The following GLRA1 variants were observed in gnomAD, a reference collection of about 807,000 sequenced individuals.
GLRA1 encodes the protein glycine receptor subunit alpha-1.
In GLRA1, 37 loss-of-function variants were observed where a neutral mutation model predicts 48.3. The ratio of observed to expected loss-of-function variants is 0.77; its 90% CI spans 0.59 to 1.01. The LOEUF (loss-of-function observed/expected upper bound fraction) is 1.01. Ranked by LOEUF, GLRA1 falls within the 50% of genes least tolerant of loss-of-function variation. The probability of loss-of-function intolerance (pLI) is 0.00; values close to 1 mark genes in which losing one functional copy is unlikely to be tolerated. For synonymous variants in GLRA1, 196 were observed against 210.7 expected, an observed-to-expected ratio of 0.93 and a Z score of 0.60; for missense variants, 427 against 571.0, an observed-to-expected ratio of 0.75 and a Z score of 2.57.
intron 6 of GLRA1, among the ~76,000 whole-genome samples, chr5:151,854,420 G>A (rs1459826465): frequency 6.6e-6 from 1 of 152,192 alleles, no homozygotes; most frequent in African/African-American, 2.4e-5. Flanking sequence ...CCTTCCAGCT[G>A]TTATACCAAT....
intron 1 of GLRA1, among the ~76,000 whole-genome samples, chr5:151,922,691 G>A (rs1754907578): frequency 6.6e-6 from 1 of 152,212 alleles, no homozygotes; most frequent in Admixed American, 6.5e-5. Flanking sequence ...TTAACACAGT[G>A]GATTCATAAC....
intron 3 of GLRA1, among the ~76,000 whole-genome samples, chr5:151,864,135 G>A (rs1408484424): frequency 8.2e-6 from 1 of 122,154 alleles, no homozygotes; most frequent in Admixed American, 7.9e-5. Flanking sequence ...TGCGTGAAGT[G>A]TGCATGTGTG....
rs149027082 is a variant in GLRA1 at position 151,920,474 on chromosome 5, A to G, written c.56+4020T>C. Reference sequence around the variant, plus strand: ...AATATCCTCTGCTTAAGTCATTACCAGTTTGGCAAATATGCAGAAGTCATG... The same window carrying G: ...AATATCCTCTGCTTAAGTCATTACCGGTTTGGCAAATATGCAGAAGTCATG... On this transcript the variant is annotated intron_variant, in intron 1 of 8. Transcript: ENST00000274576. Among the ~76,000 whole-genome samples the G allele has an allele frequency of 3.3e-4, 51 of 152,302 alleles. No individual in the cohort carries two copies. The East Asian group carries it at 9.5e-3, about 28-fold the overall frequency.
At position 151,834,967 on chromosome 5, in the gene GLRA1, G is replaced by GCAGTGAGCCAAGATTGCGCCACTGCACT. The variant is rs1385353933; in HGVS notation, c.913-5928_913-5901dup. 6.3e-5 allele frequency among the ~76,000 whole-genome samples: 9 copies of GCAGTGAGCCAAGATTGCGCCACTGCACT among 143,188 alleles called. No homozygotes were observed. The East Asian group carries it at 1.9e-3, about 30-fold the overall frequency. 93.9% of individuals were successfully genotyped at this position (143,188 alleles called of 152,430 possible). A position where few individuals can be genotyped will look rare whatever the true frequency, so the allele number is the denominator to read the frequency against. On this transcript the variant is annotated intron_variant, in intron 7 of 8. Coordinates refer to ENST00000274576, the MANE Select transcript of GLRA1 (RefSeq NM_000171.4). ...AGCGTGAACCCGAGAAGTGGAGCTTGCAGTGAGCCAAGATTGCGCCACTGC... is the reference window on the plus strand; with the variant it reads ...AGCGTGAACCCGAGAAGTGGAGCTTGCAGTGAGCCAAGATTGCGCCACTGCACTCAGTGAGCCAAGATTGCGCCACTGC...
intron 3 of GLRA1, among the ~76,000 whole-genome samples, chr5:151,861,478 T>A (rs966092367): frequency 6.6e-5 from 10 of 152,226 alleles, no homozygotes; most frequent in African/African-American, 2.4e-4. Flanking sequence ...TGATGGCCAG[T>A]GATGATGAGC....
chr5:151,832,082 A>C (rs998175501), intron 7 of GLRA1, among the ~76,000 whole-genome samples: 1 of 152,236 alleles, frequency 6.6e-6, no homozygotes, highest in Non-Finnish European at 1.5e-5. Context: ...GAAAACTAAC[A>C]AACAGAAAGG....
At chr5:151,854,933 C>T (rs1752996624) in intron 6 of GLRA1, 107 bp downstream of exon 6, 1 of 1,238,678 alleles carries the variant, frequency 8.1e-7, no homozygotes, top group Non-Finnish European at 1.2e-6. Flanking sequence ...CTCTTAACCA[C>T]TAGGTAATCT....
intron 7 of GLRA1, among the ~76,000 whole-genome samples, chr5:151,842,443 G>A (rs978871111): frequency 2.0e-5 from 3 of 151,576 alleles, no homozygotes; most frequent in Admixed American, 2.0e-4. Flanking sequence ...TCCCAGGAAT[G>A]CAATGTTAGT....
chr5:151,911,402 A>G (rs1476563005), intron 1 of GLRA1, among the ~76,000 whole-genome samples: 1 of 152,156 alleles, frequency 6.6e-6, no homozygotes, highest in Non-Finnish European at 1.5e-5. Context: ...GTTGCTTGCC[A>G]TATGCAATGC....
intron 3 of GLRA1, among the ~76,000 whole-genome samples, chr5:151,863,034 C>G (rs181358321): frequency 2.6e-5 from 4 of 152,186 alleles, no homozygotes; most frequent in Admixed American, 1.3e-4. Context: ...CTATTCACAA[C>G]GTGAGGAGCT....
intron 4 of GLRA1, among the ~76,000 whole-genome samples, chr5:151,857,844 T>G (rs1753088517): frequency 6.6e-6 from 1 of 152,200 alleles, no homozygotes; most frequent in South Asian, 2.1e-4. Context: ...AGAAAGGCTT[T>G]CAGAGCCCAA....
chr5:151,896,307 TCACACAG>T (rs1419366497), intron 1 of GLRA1, among the ~76,000 whole-genome samples: 2 of 152,194 alleles, frequency 1.3e-5, no homozygotes, highest in Non-Finnish European at 2.9e-5. Flanking sequence ...TGGCTCCAAG[TCACACAG>T]CACTTTAAAG....
At chr5:151,844,683 G>GA (rs1289638129) in intron 7 of GLRA1, among the ~76,000 whole-genome samples, 1 of 125,848 alleles carries the variant, frequency 7.9e-6, no homozygotes, top group African/African-American at 2.9e-5. Flanking sequence ...AGCAACAAAA[G>GA]AAAAAACAGA....
Position 151,903,768 on chromosome 5 carries a change from C to T in GLRA1, c.57-11330G>A, listed in dbSNP as rs188600402. Among the ~76,000 whole-genome samples the T allele has an allele frequency of 3.9e-5, 6 of 152,314 alleles. No individual in the cohort carries two copies. The East Asian group carries it at 1.2e-3, about 29-fold the overall frequency. ...CCAAATGCTTTCTAGGTGCCATCCACAGTTAAGAACTGTTCCATACAGGCT... is the reference window on the plus strand; with the variant it reads ...CCAAATGCTTTCTAGGTGCCATCCATAGTTAAGAACTGTTCCATACAGGCT... On this transcript the variant is annotated intron_variant, in intron 1 of 8. Coordinates refer to ENST00000274576, the MANE Select transcript of GLRA1 (RefSeq NM_000171.4).
At chr5:151,871,199 G>A (rs1274605986) in intron 3 of GLRA1, among the ~76,000 whole-genome samples, 2 of 149,292 alleles carry the variant, frequency 1.3e-5, no homozygotes, top group Non-Finnish European at 2.9e-5. Context: ...GCTTTGTTGA[G>A]TGTGGCACCA....
intron 7 of GLRA1, among the ~76,000 whole-genome samples, chr5:151,832,355 A>G (rs1763446700): frequency 6.6e-6 from 1 of 152,230 alleles, no homozygotes; most frequent in Non-Finnish European, 1.5e-5. Context: ...AACTCCTCCA[A>G]GCTAAAGGAG....
At chr5:151,851,171 G>C (rs1450955095) in intron 7 of GLRA1, among the ~76,000 whole-genome samples, 1 of 152,224 alleles carries the variant, frequency 6.6e-6, no homozygotes, top group Non-Finnish European at 1.5e-5. Context: ...GCAGAATGTG[G>C]TGTCTGGCAA....
At chr5:151,853,412 A>ATTTTT (rs57264480) in intron 6 of GLRA1, among the ~76,000 whole-genome samples, 4 of 140,904 alleles carry the variant, frequency 2.8e-5, no homozygotes, top group Admixed American at 7.1e-5. Context: ...TGCCCAACTA[A>ATTTTT]TTTTTTTTTT....
chr5:151,839,417 TC>T (rs2113312430), intron 7 of GLRA1, among the ~76,000 whole-genome samples: 1 of 152,332 alleles, frequency 6.6e-6, no homozygotes, highest in South Asian at 2.1e-4. Flanking sequence ...GTTGAGTAAA[TC>T]AATGATTGTA....
Sources: gnomAD v4.1 joint callset for allele counts (sites outside exome capture counted in the v4.1 genomes callset) on GRCh38, gnomAD v4.1.1 for gene constraint, MANE v1.5 for transcripts, NCBI Gene and HGNC (gene_info 2026-07-23, HGNC 2026-07-21) for gene names.